Variants in FOXP2 observed in about 807,000 individuals in gnomAD.
FOXP2 encodes forkhead box P2, also known as forkhead box protein P2.
A neutral mutation model predicts 115.8 loss-of-function variants in FOXP2; 12 were observed. The ratio of observed to expected loss-of-function variants is 0.10; its 90% confidence interval spans 0.07 to 0.17. FOXP2 has a LOEUF of 0.17. Among genes scored for constraint, FOXP2 ranks in the 10% least tolerant of loss-of-function variants. The probability of loss-of-function intolerance (pLI) is 1.00; values close to 1 mark genes in which losing one functional copy is unlikely to be tolerated. For synonymous variants in FOXP2, 328 were observed against 297.7 expected, an observed-to-expected ratio of 1.10 and a Z score of -1.05; for missense variants, 629 against 843.5, an observed-to-expected ratio of 0.75 and a Z score of 3.15.
chr7:114,266,396 G>T (rs947033494), intron 1 of FOXP2, among the ~76,000 whole-genome samples: 3 of 152,192 alleles, frequency 2.0e-5, no homozygotes, highest in African/African-American at 7.2e-5. Context: ...TCTGCAGACT[G>T]TACAGGAAGC....
At chr7:114,202,970 C>T (rs1175992686) in intron 1 of FOXP2, among the ~76,000 whole-genome samples, 2 of 152,106 alleles carry the variant, frequency 1.3e-5, no homozygotes, top group Non-Finnish European at 2.9e-5. Context: ...TTTCATATCC[C>T]CTATTCATTT....
At position 114,662,130 on chromosome 7, in the gene FOXP2, A is replaced by C; in HGVS notation, c.1713A>C (p.Ala571=). 1.9e-6 allele frequency: 3 copies of C among 1,613,008 alleles called. No individual in the cohort carries two copies. Among genetic ancestry groups the C allele is most frequent in the Non-Finnish European group, 1.7e-6 (2 of 1,179,232 alleles). ...TTCGAGTAGAAAATGTTAAAGGAGC[A>C]GTATGGACTGTGGATGAAGTAGAAT... ...CFVRVENVKG[A]VWTVDEVEYQ... is the part of the protein sequence containing the mutation. Residue 571 remains alanine (A), a synonymous_variant, in exon 14 of 17, where the codon GCA becomes GCC. Transcript: ENST00000350908.
At chr7:114,396,623 T>A (rs1241148991) in intron 2 of FOXP2, among the ~76,000 whole-genome samples, 1 of 151,954 alleles carries the variant, frequency 6.6e-6, no homozygotes, top group African/African-American at 2.4e-5. Flanking sequence ...AAAAAGTTGA[T>A]CTCATGGAAG....
chr7:114,643,592 T>C lies in FOXP2; in HGVS notation c.989+969T>C, dbSNP rs143055847. ...TTTGATAATTTTTAACTACTGTTTT[T>C]AGTTGTATAAAAATTGCATTTGTGA... On this transcript the variant is annotated intron_variant, in intron 7 of 16. Coordinates refer to ENST00000350908, the MANE Select transcript of FOXP2 (RefSeq NM_014491.4). Among the ~76,000 whole-genome samples the C allele has an allele frequency of 1.6e-3, 251 of 152,334 alleles. 1 individual carries two copies. Among genetic ancestry groups the C allele is most frequent in the Middle Eastern group, 6.8e-3 (2 of 292 alleles).
Position 114,376,441 on chromosome 7 carries a change from G to T in FOXP2, c.-10-50061G>T, listed in dbSNP as rs148094462. ...GGGATTAAATGAACAATATGTGAGAGAATTCAGCACAGTGTCTGGGGAATA... is the reference window on the plus strand; with the variant it reads ...GGGATTAAATGAACAATATGTGAGATAATTCAGCACAGTGTCTGGGGAATA... On this transcript the variant is annotated intron_variant, in intron 2 of 17. Transcript: ENST00000634411. Among the ~76,000 whole-genome samples, 1,342 of 152,308 alleles carry T rather than the reference G, an allele frequency of 8.8e-3. 81 individuals are homozygous for T. The highest frequency in any genetic ancestry group is 0.083 in the Admixed American group (1,272 of 15,284).
intron 1 of FOXP2, among the ~76,000 whole-genome samples, chr7:114,259,053 C>G (rs1235260143): frequency 2.0e-5 from 3 of 151,922 alleles, no homozygotes; most frequent in Non-Finnish European, 4.4e-5. Context: ...ATTATCTTAC[C>G]AAGTCAAATA....
intron 3 of FOXP2, among the ~76,000 whole-genome samples, chr7:114,564,255 T>C (rs937890945): frequency 2.2e-4 from 34 of 152,100 alleles, no homozygotes; most frequent in African/African-American, 7.7e-4. Context: ...TTTTTTTTAC[T>C]TCTTTTTCCC....
intron 1 of FOXP2, among the ~76,000 whole-genome samples, chr7:114,246,585 T>C (rs1335527197): frequency 6.6e-6 from 1 of 152,188 alleles, no homozygotes; most frequent in South Asian, 2.1e-4. Context: ...TAAACTGATA[T>C]TCAAATAAGT....
chr7:114,087,213 A>C (rs906455331), upstream of FOXP2, among the ~76,000 whole-genome samples: 40 of 152,162 alleles, frequency 2.6e-4, no homozygotes, highest in Non-Finnish European at 5.6e-4. Flanking sequence ...TCTCAGAAGT[A>C]CTTCTCCAGG....
upstream of FOXP2, among the ~76,000 whole-genome samples, chr7:114,414,001 A>G (rs1163644032): frequency 6.6e-6 from 1 of 152,116 alleles, no homozygotes; most frequent in Non-Finnish European, 1.5e-5. Flanking sequence ...TAAAACTAAG[A>G]CAGTGTCGTT....
intron 2 of FOXP2, among the ~76,000 whole-genome samples, chr7:114,521,553 A>AAT (rs1338238848): frequency 6.7e-6 from 1 of 149,800 alleles, no homozygotes; most frequent in African/African-American, 2.5e-5. Context: ...AAAAAAAAAA[A>AAT]GGGTAGGGGT....
chr7:114,674,206 T>A (rs184532541), intron 16 of FOXP2, among the ~76,000 whole-genome samples: 256 of 152,308 alleles, frequency 1.7e-3, no homozygotes, highest in Non-Finnish European at 3.1e-3. Context: ...TAAGGGAGGA[T>A]AACATTTTTA....
At chr7:114,672,140 G>A (rs560410557) in intron 16 of FOXP2, among the ~76,000 whole-genome samples, 1 of 152,242 alleles carries the variant, frequency 6.6e-6, no homozygotes, top group Admixed American at 6.5e-5. Flanking sequence ...AAATCAGCAA[G>A]ACACTTAAAA....
chr7:114,612,182 A>T (rs1417006973), intron 3 of FOXP2, among the ~76,000 whole-genome samples: 2 of 152,014 alleles, frequency 1.3e-5, no homozygotes, highest in Admixed American at 1.3e-4. Context: ...TGAGTGTTTG[A>T]TATCCTGGAT....
intron 2 of FOXP2, among the ~76,000 whole-genome samples, chr7:114,322,339 T>G (rs1368621994): frequency 6.6e-6 from 1 of 151,602 alleles, no homozygotes; most frequent in Non-Finnish European, 1.5e-5. Flanking sequence ...TTGCTTTATA[T>G]GAAAGCTCAT....
chr7:114,283,169 A>G (rs780650293), intron 1 of FOXP2, among the ~76,000 whole-genome samples: 5 of 152,194 alleles, frequency 3.3e-5, no homozygotes, highest in African/African-American at 1.2e-4. Flanking sequence ...ATCAACAATT[A>G]TCTACTTTCT....
At chr7:114,571,408 A>G (rs2129296263) in intron 3 of FOXP2, among the ~76,000 whole-genome samples, 1 of 152,014 alleles carries the variant, frequency 6.6e-6, no homozygotes, top group Admixed American at 6.6e-5. Flanking sequence ...GGAAATGGAT[A>G]GTAATCCTCA....
chr7:114,455,105 C>G (rs1490810921), intron 2 of FOXP2, among the ~76,000 whole-genome samples: 1 of 152,078 alleles, frequency 6.6e-6, no homozygotes, highest in Non-Finnish European at 1.5e-5. Context: ...GTATCTCTGA[C>G]CTTTCCCCTG....
At chr7:114,140,985 A>C (rs1386702092) in intron 1 of FOXP2, among the ~76,000 whole-genome samples, 2 of 152,208 alleles carry the variant, frequency 1.3e-5, no homozygotes, top group Non-Finnish European at 2.9e-5. Context: ...ACAACAGATA[A>C]TTTTATGATT....
Sources: gnomAD v4.1 joint callset for allele counts (sites outside exome capture counted in the v4.1 genomes callset) on GRCh38, gnomAD v4.1.1 for gene constraint, MANE v1.5 for transcripts, NCBI Gene and HGNC (gene_info 2026-07-23, HGNC 2026-07-21) for gene names.